The following ADAM32 variants were observed in gnomAD, a reference collection of about 807,000 sequenced individuals.
The protein encoded by ADAM32 is disintegrin and metalloproteinase domain-containing protein 32.
Under a neutral mutation model 114.9 loss-of-function variants are expected in ADAM32, and 89 were observed. The observed-to-expected ratio is 0.77, with a 90% confidence interval of 0.65 to 0.92. The LOEUF is 0.92. Ranked by LOEUF, ADAM32 falls within the 40% of genes least tolerant of loss-of-function variation. The pLI, the probability that ADAM32 is intolerant of heterozygous loss-of-function variation, is 0.00. For missense variants in ADAM32, 870 were observed against 932.8 expected (o/e 0.93, Z 0.88); for synonymous variants, 285 against 307.5 (o/e 0.93, Z 0.77).
intron 6 of ADAM32, among the ~76,000 whole-genome samples, chr8:39,155,473 G>C (rs1804088927): frequency 6.6e-6 from 1 of 152,202 alleles, no homozygotes; most frequent in Admixed American, 6.5e-5. Context: ...GAGGCTTCCT[G>C]AACTGACAGA....
chr8:39,130,956 CT>C (rs71218310), intron 2 of ADAM32: 30,260 of 322,552 alleles, frequency 0.094, no homozygotes, highest in South Asian at 0.13. Flanking sequence ...AGGAGGATGT[CT>C]TTTTTTTTTT....
At chr8:39,189,437 T>G (rs77360349) in intron 11 of ADAM32, among the ~76,000 whole-genome samples, 2,322 of 152,248 alleles carry the variant, frequency 0.015, 24 homozygotes, top group Non-Finnish European at 0.022. Flanking sequence ...TCATTTTTTT[T>G]GGGGTAAAAC....
At chr8:39,257,829 CAG>C (rs143675838) in intron 19 of ADAM32, among the ~76,000 whole-genome samples, 387 of 152,044 alleles carry the variant, frequency 2.5e-3, no homozygotes, top group African/African-American at 9.1e-3. Flanking sequence ...AACACTAAGA[CAG>C]AGAACAACAT....
At chr8:39,241,165 C>A (rs989078780) in intron 16 of ADAM32, among the ~76,000 whole-genome samples, 1 of 152,234 alleles carries the variant, frequency 6.6e-6, no homozygotes, top group African/African-American at 2.4e-5. Context: ...CCATGTCTCA[C>A]ATCCAGGTCA....
chr8:39,114,584 C>T (rs1840299652), intron 1 of ADAM32, among the ~76,000 whole-genome samples: 1 of 152,220 alleles, frequency 6.6e-6, no homozygotes, highest in African/African-American at 2.4e-5. Flanking sequence ...TCACTCTGTC[C>T]TTGTGGCTTC....
At chr8:39,149,717 A>C (rs1803705892) in intron 4 of ADAM32, 74 bp from the exon 5 acceptor site, 1 of 1,017,200 alleles carries the variant, frequency 9.8e-7, no homozygotes, top group Non-Finnish European at 1.5e-6. Flanking sequence ...AGGTTCTATC[A>C]AGTATAGAAG....
chr8:39,272,793 A>G (rs1324160433), intron 20 of ADAM32, among the ~76,000 whole-genome samples: 1 of 152,194 alleles, frequency 6.6e-6, no homozygotes, highest in African/African-American at 2.4e-5. Flanking sequence ...TCAATAATAT[A>G]TTAACCTTAC....
chr8:39,204,290 T>A (rs1441615682), intron 11 of ADAM32, among the ~76,000 whole-genome samples: 2 of 152,240 alleles, frequency 1.3e-5, no homozygotes, highest in African/African-American at 4.8e-5. Context: ...AGATTTGGTC[T>A]TTTCACATAG....
At chr8:39,120,054 G>A (rs1293474004) in intron 2 of ADAM32, among the ~76,000 whole-genome samples, 3 of 152,182 alleles carry the variant, frequency 2.0e-5, no homozygotes, top group Admixed American at 2.0e-4. Flanking sequence ...CAAGAGGAGA[G>A]GCCTCACCAG....
intron 7 of ADAM32, among the ~76,000 whole-genome samples, chr8:39,162,795 GT>G (rs1203141785): frequency 2.0e-5 from 3 of 152,166 alleles, no homozygotes; most frequent in African/African-American, 7.2e-5. Flanking sequence ...GAGGTCAGGA[GT>G]TCCAGACCAG....
chr8:39,192,653 G>C (rs575340763), intron 11 of ADAM32, among the ~76,000 whole-genome samples: 3 of 152,110 alleles, frequency 2.0e-5, no homozygotes, highest in Admixed American at 2.0e-4. Context: ...GGCTGGTAAC[G>C]GTCTTTTCTT....
intron 22 of ADAM32, among the ~76,000 whole-genome samples, chr8:39,279,509 C>A (rs1813294035): frequency 6.6e-6 from 1 of 152,150 alleles, no homozygotes; most frequent in South Asian, 2.1e-4. Flanking sequence ...TTCTTGAACT[C>A]CTGACCTTGT....
intron 11 of ADAM32, among the ~76,000 whole-genome samples, chr8:39,194,218 C>A (rs28887526): frequency 0.25 from 37,324 of 151,818 alleles, 4,932 homozygotes; most frequent in Non-Finnish European, 0.29. Flanking sequence ...TGCACACTCG[C>A]GTGGTTAGCA....
At chr8:39,224,935 T>A (rs1809250051) in intron 14 of ADAM32, among the ~76,000 whole-genome samples, 1 of 152,070 alleles carries the variant, frequency 6.6e-6, no homozygotes. Context: ...ATGGAGGTGG[T>A]TATGAACAAA....
intron 11 of ADAM32, among the ~76,000 whole-genome samples, chr8:39,196,590 A>T (rs1807014138): frequency 6.6e-6 from 1 of 152,030 alleles, no homozygotes. Flanking sequence ...TATTGAAATG[A>T]TTTTGCGGTT....
chr8:39,207,314 A>AT (rs1297074924), intron 11 of ADAM32, among the ~76,000 whole-genome samples: 2 of 152,074 alleles, frequency 1.3e-5, no homozygotes. Flanking sequence ...CTACTCAGCC[A>AT]TTTTGAAGCC....
At chr8:39,190,464 C>G (rs964490300) in intron 11 of ADAM32, among the ~76,000 whole-genome samples, 1 of 152,146 alleles carries the variant, frequency 6.6e-6, no homozygotes, top group African/African-American at 2.4e-5. Context: ...TTTGAGAAAC[C>G]TCCACAATAC....
At chr8:39,257,162 T>G (rs763346516) in intron 18 of ADAM32, 25 bp from the exon 19 acceptor site, 1 of 1,518,228 alleles carries the variant, frequency 6.6e-7, no homozygotes, top group Middle Eastern at 1.8e-4. Flanking sequence ...TTTTTGTTTT[T>G]TTTTTTTTGT....
At chr8:39,252,504 C>T (rs1811368885) in intron 17 of ADAM32, among the ~76,000 whole-genome samples, 1 of 150,446 alleles carries the variant, frequency 6.6e-6, no homozygotes, top group Admixed American at 6.6e-5. Context: ...TTCAAATAAA[C>T]ATTCTAACTT....
Sources: allele counts gnomAD v4.1 joint callset (sites outside exome capture counted in the v4.1 genomes callset), GRCh38; gene constraint gnomAD v4.1.1; transcripts MANE v1.5; gene names NCBI Gene and HGNC (gene_info 2026-07-23, HGNC 2026-07-21).